BCAS3: variants seen among roughly 807,000 people sequenced by gnomAD.
BCAS3 encodes the protein BCAS4/BCAS3 fusion.
Under a neutral mutation model 116.1 loss-of-function variants are expected in BCAS3, and 53 were observed. That is an observed-to-expected ratio of 0.46 (90% CI 0.37 to 0.57). The LOEUF (loss-of-function observed/expected upper bound fraction) is 0.57, where lower values mean the gene tolerates loss of function less well. Ranked by LOEUF, BCAS3 falls within the 20% of genes least tolerant of loss-of-function variation. BCAS3 has a pLI of 0.00. For synonymous variants in BCAS3, 391 were observed against 408.2 expected, an observed-to-expected ratio of 0.96 and a Z score of 0.51; for missense variants, 917 against 1,165.4, an observed-to-expected ratio of 0.79 and a Z score of 3.10.
rs1048077868 is a variant in BCAS3 at position 61,219,893 on chromosome 17, A to G, written c.2425+135329A>G. On this transcript the variant is annotated intron_variant, in intron 22 of 23. Coordinates refer to ENST00000407086, the MANE Select transcript of BCAS3 (RefSeq NM_017679.5). This position sits in a 1 kb window ranked among gnomAD's most constrained non-coding sequence, Gnocchi z 5.2. ...TCCCATCCTGTTTGGGGTAGGAAAA[A>G]CAAGGCAGGTTATGGGGGGAGAGGA... Among the ~76,000 whole-genome samples the G allele has an allele frequency of 6.6e-6, 1 of 152,200 alleles. No individual in the cohort carries two copies. The highest frequency in any genetic ancestry group is 2.4e-5 in the African/African-American group (1 of 41,446).
intron 5 of BCAS3, among the ~76,000 whole-genome samples, chr17:60,722,172 GGTAAT>G (rs2039310892): frequency 6.6e-6 from 1 of 152,016 alleles, no homozygotes; most frequent in African/African-American, 2.4e-5. Context: ...TCTTATATAT[GGTAAT>G]TTTTCATGGA....
In BCAS3 at chr17:61,324,081, C is replaced by A. The variant is rs2055532893; in HGVS notation, c.2426-44246C>A. 6.6e-6 allele frequency among the ~76,000 whole-genome samples: 1 copy of A among 152,226 alleles called. No homozygotes were observed. The highest frequency in any genetic ancestry group is 1.5e-5 in the Non-Finnish European group (1 of 68,042). ...CTGTGTTCTCAGTGTGCTCTTGTAA[C>A]CCTCTGCTAGATCACTTAGCACATG... On this transcript the variant is annotated intron_variant, in intron 22 of 23. Coordinates refer to ENST00000407086, the MANE Select transcript of BCAS3 (RefSeq NM_017679.5). This position sits in a 1 kb window ranked among gnomAD's most constrained non-coding sequence, Gnocchi z 4.6.
intron 22 of BCAS3, among the ~76,000 whole-genome samples, chr17:61,318,507 A>G (rs1178395227): frequency 6.6e-6 from 1 of 151,992 alleles, no homozygotes; most frequent in Admixed American, 6.6e-5. Context: ...CCCCTAATTG[A>G]CAAATGTGGG....
intron 3 of BCAS3, among the ~76,000 whole-genome samples, chr17:60,688,448 T>A (rs2034376377): frequency 6.6e-6 from 1 of 151,986 alleles, no homozygotes. Context: ...TACAGGTGCA[T>A]GCCACCATGC....
At chr17:60,784,047 GA>G (rs945500123) in intron 6 of BCAS3, among the ~76,000 whole-genome samples, 66 of 152,188 alleles carry the variant, frequency 4.3e-4, no homozygotes, top group African/African-American at 1.5e-3. Flanking sequence ...CTGCTGCCAG[GA>G]AAGTATCTAA....
At position 61,156,056 on chromosome 17, in the gene BCAS3, A is replaced by AG. The variant is rs1349657748; in HGVS notation, c.2425+71494dup. 6.6e-6 allele frequency among the ~76,000 whole-genome samples: 1 copy of AG among 152,150 alleles called. No individual in the cohort carries two copies. The highest frequency in any genetic ancestry group is 2.4e-5 in the African/African-American group (1 of 41,424). On this transcript the variant is annotated intron_variant, in intron 22 of 23. Transcript: ENST00000407086. This position sits in a 1 kb window ranked among gnomAD's most constrained non-coding sequence, Gnocchi z 4.7. ...AATGACTTTTCCCAACAAGCTCACC[A>AG]GGCATTCAAAGGAAGAAAAGCATTT... is the stretch of plus-strand genomic sequence containing the variant.
chr17:60,925,895 C>T (rs2059343396), intron 13 of BCAS3, among the ~76,000 whole-genome samples: 1 of 150,818 alleles, frequency 6.6e-6, no homozygotes, highest in African/African-American at 2.4e-5. Flanking sequence ...AATGAGTTAT[C>T]TTGGCGGTGG....
intron 15 of BCAS3, among the ~76,000 whole-genome samples, chr17:61,010,635 A>G (rs1212651409): frequency 2.6e-5 from 4 of 152,204 alleles, no homozygotes; most frequent in Non-Finnish European, 5.9e-5. Context: ...AAGCAGAACA[A>G]AAACAAGACA....
At position 61,181,933 on chromosome 17, in the gene BCAS3, T is replaced by G. The variant is rs11079421; in HGVS notation, c.2425+97369T>G. 0.71 allele frequency among the ~76,000 whole-genome samples: 107,759 copies of G among 151,328 alleles called. 39,475 individuals carry two copies. Among genetic ancestry groups the G allele is most frequent in the South Asian group, 0.87 (4,165 of 4,780 alleles). ...CCGCTGCCCAGGCTGGAGTGCAGCG[T>G]CATGATTCTAGCTCATTGCACCCTC... On this transcript the variant is annotated intron_variant, in intron 22 of 23. Transcript: ENST00000407086. This position sits in a 1 kb window ranked among gnomAD's most constrained non-coding sequence, Gnocchi z 5.0.
chr17:61,092,392 T>C (rs1462164501), intron 22 of BCAS3, among the ~76,000 whole-genome samples: 2 of 152,204 alleles, frequency 1.3e-5, no homozygotes, highest in Non-Finnish European at 2.9e-5. Flanking sequence ...ATATCCCTAG[T>C]ACTGGAATTG....
At chr17:60,929,871 CATCTATGTCCCTACAAAGGACATG>C (rs1382418029) in intron 13 of BCAS3, among the ~76,000 whole-genome samples, 1 of 151,900 alleles carries the variant, frequency 6.6e-6, no homozygotes, top group East Asian at 1.9e-4. Context: ...TTTCCAATTT[CATCTATGTCCCTACAAAGGACATG>C]AACTCATCAT....
At chr17:60,860,727 C>T (rs1443482694) in intron 7 of BCAS3, among the ~76,000 whole-genome samples, 1 of 152,124 alleles carries the variant, frequency 6.6e-6, no homozygotes, top group Non-Finnish European at 1.5e-5. Flanking sequence ...GTAGTCCCAC[C>T]ACCATTTATT....
At chr17:61,369,264 G>A (rs3785840) in intron 23 of BCAS3, among the ~76,000 whole-genome samples, 4,570 of 152,282 alleles carry the variant, frequency 0.03, 158 homozygotes, top group East Asian at 0.13. Flanking sequence ...GCCCCAGCAG[G>A]CCTCTTCCCT....
At chr17:60,800,787 A>G (rs2047704483) in intron 6 of BCAS3, among the ~76,000 whole-genome samples, 1 of 151,834 alleles carries the variant, frequency 6.6e-6, no homozygotes, top group African/African-American at 2.4e-5. Context: ...ATTTTTTTTT[A>G]TGGACATCCA....
chr17:61,347,712 T>A lies in BCAS3; in HGVS notation c.2426-20615T>A, dbSNP rs2057584446. 6.6e-6 allele frequency among the ~76,000 whole-genome samples: 1 copy of A among 152,200 alleles called. No homozygotes were observed. The highest frequency in any genetic ancestry group is 1.9e-4 in the East Asian group (1 of 5,196). On this transcript the variant is annotated intron_variant, in intron 22 of 23. Coordinates refer to ENST00000407086, the MANE Select transcript of BCAS3 (RefSeq NM_017679.5). This position sits in a 1 kb window ranked among gnomAD's most constrained non-coding sequence, Gnocchi z 4.3. ...GGAATTGGTGACTCTAGGTGCTATG[T>A]GAAGGTAAGCCTAGGGTGTTGTGGG...
intron 6 of BCAS3, among the ~76,000 whole-genome samples, chr17:60,753,158 T>A (rs959703890): frequency 2.0e-5 from 3 of 152,288 alleles, no homozygotes; most frequent in Non-Finnish European, 4.4e-5. Flanking sequence ...TTTTGATCCT[T>A]GATTACTAGG....
chr17:61,286,678 A>C lies in BCAS3; in HGVS notation c.2426-81649A>C, dbSNP rs1285712309. 6.6e-6 allele frequency among the ~76,000 whole-genome samples: 1 copy of C among 152,196 alleles called. No homozygotes were observed. The highest frequency in any genetic ancestry group is 2.4e-5 in the African/African-American group (1 of 41,444). ...TTACACCGTTGTGAAGGCAGCTCCC[A>C]GGGCAGCCAGAGGAGCATGTCACCT... On this transcript the variant is annotated intron_variant, in intron 22 of 23. Coordinates refer to ENST00000407086, the MANE Select transcript of BCAS3 (RefSeq NM_017679.5). This position sits in a 1 kb window ranked among gnomAD's most constrained non-coding sequence, Gnocchi z 4.8.
intron 22 of BCAS3, among the ~76,000 whole-genome samples, chr17:61,138,474 A>G (rs2076761947): frequency 6.6e-6 from 1 of 152,214 alleles, no homozygotes; most frequent in African/African-American, 2.4e-5. Flanking sequence ...ACACAGACCA[A>G]ATTACTCTGC....
intron 22 of BCAS3, among the ~76,000 whole-genome samples, chr17:61,360,208 T>A (rs1465194886): frequency 6.6e-6 from 1 of 152,090 alleles, no homozygotes; most frequent in Non-Finnish European, 1.5e-5. Flanking sequence ...TTTCACCATA[T>A]TGGTCAGGCT....
Sources: gnomAD v4.1 joint callset for allele counts (sites outside exome capture counted in the v4.1 genomes callset) on GRCh38, gnomAD v4.1.1 for gene constraint, Gnocchi (gnomAD v3.1) non-coding constraint, MANE v1.5 for transcripts, NCBI Gene and HGNC (gene_info 2026-07-23, HGNC 2026-07-21) for gene names.